EDNRA: variants seen among roughly 807,000 people sequenced by gnomAD.
The protein encoded by EDNRA is endothelin-1 receptor.
EDNRA carries 11 observed loss-of-function variants against 41.4 expected under a neutral mutation model. The ratio of observed to expected loss-of-function variants is 0.27; its 90% CI spans 0.17 to 0.44. The LOEUF (loss-of-function observed/expected upper bound fraction) is 0.44, where lower values mean the gene tolerates loss of function less well. Among genes scored for constraint, EDNRA ranks in the 20% least tolerant of loss-of-function variants. EDNRA has a pLI of 1.00. For missense variants in EDNRA, 294 were observed against 531.0 expected, an observed-to-expected ratio of 0.55 and a Z score of 4.39; for synonymous variants, 172 against 183.0, an observed-to-expected ratio of 0.94 and a Z score of 0.49.
chr4:147,532,017 C>CA lies in EDNRA; in HGVS notation c.549-476dup, dbSNP rs35034877. On this transcript the variant is annotated intron_variant, in intron 3 of 7. Coordinates refer to ENST00000651419, the MANE Select transcript of EDNRA (RefSeq NM_001957.4). Reference sequence around the variant, plus strand: ...TGGGTGACAGAACAAGACTCAGTCTCAAAAAAAAAAAAAGGCCAGGTGCAG... The same window carrying CA: ...TGGGTGACAGAACAAGACTCAGTCTCAAAAAAAAAAAAAAGGCCAGGTGCAG... Among the ~76,000 whole-genome samples the CA allele has an allele frequency of 2.4e-3, 275 of 113,574 alleles. 1 individual carries two copies. The highest frequency in any genetic ancestry group is 4.5e-3 in the African/African-American group (143 of 32,096). The allele number at this position is 113,574 out of a possible 152,430, so 74.5% of individuals were successfully genotyped here. A position where few individuals can be genotyped will look rare whatever the true frequency, so the allele number is the denominator to read the frequency against.
rs1337778273 is a variant in EDNRA at position 147,543,667 on chromosome 4, C to T, written c.*1049C>T. 1 of 152,296 alleles carries T rather than the reference C, an allele frequency of 6.6e-6. No homozygotes were observed. Among genetic ancestry groups the T allele is most frequent in the African/African-American group, 2.4e-5 (1 of 41,408 alleles). 9.4% of individuals were successfully genotyped at this position (152,296 alleles called of 1,614,324 possible). On this transcript the variant is annotated 3_prime_UTR_variant, in exon 8 of 8. Coordinates refer to ENST00000651419, the MANE Select transcript of EDNRA (RefSeq NM_001957.4). ...TAATAGTGACATATATATGTATATA[C>T]ATATCACCTCCTATTCTCTTAATTT...
At chr4:147,510,790 T>A (rs2126431632) in intron 2 of EDNRA, among the ~76,000 whole-genome samples, 1 of 152,292 alleles carries the variant, frequency 6.6e-6, no homozygotes, top group African/African-American at 2.4e-5. Flanking sequence ...AAAAAGGGAC[T>A]GAAGCACTCT....
chr4:147,542,425 G>A (rs1731137201), intron 7 of EDNRA, 53 bp from the exon 8 acceptor site: 2 of 1,610,360 alleles, frequency 1.2e-6, no homozygotes, highest in Non-Finnish European at 1.7e-6. Flanking sequence ...GCTGTGTTTG[G>A]CCGGGAATGG....
chr4:147,532,061 C>G (rs1300083921), intron 3 of EDNRA, among the ~76,000 whole-genome samples: 1 of 149,708 alleles, frequency 6.7e-6, no homozygotes, highest in Non-Finnish European at 1.5e-5. Context: ...TCCTGTAATC[C>G]CAGCACTTTG....
intron 4 of EDNRA, among the ~76,000 whole-genome samples, chr4:147,535,318 T>C (rs1216009773): frequency 6.6e-6 from 1 of 152,170 alleles, no homozygotes; most frequent in Non-Finnish European, 1.5e-5. Context: ...GTATAGCTAT[T>C]GAAGTTCAAA....
chr4:147,535,402 T>G (rs1448420146), intron 4 of EDNRA, among the ~76,000 whole-genome samples: 2 of 152,176 alleles, frequency 1.3e-5, no homozygotes, highest in African/African-American at 4.8e-5. Context: ...GCTACACAGA[T>G]AAGCCATTCG....
intron 2 of EDNRA, among the ~76,000 whole-genome samples, chr4:147,518,964 A>G (rs547006671): frequency 2.2e-4 from 33 of 152,340 alleles, no homozygotes; most frequent in Non-Finnish European, 3.4e-4. Flanking sequence ...ACCTAATTAG[A>G]CAAATACAGA....
chr4:147,488,729 T>C (rs1250807779), intron 2 of EDNRA: 1 of 152,202 alleles, frequency 6.6e-6, no homozygotes, highest in Non-Finnish European at 1.5e-5. Context: ...CTTCTCTAGG[T>C]CATGAGATCA....
chr4:147,518,406 G>A (rs577932246), intron 2 of EDNRA, among the ~76,000 whole-genome samples: 44 of 152,268 alleles, frequency 2.9e-4, no homozygotes, highest in African/African-American at 1.0e-3. Flanking sequence ...AATCGAGACT[G>A]TTTATAGTGA....
intron 3 of EDNRA, chr4:147,520,364 AATTG>A: frequency 1.9e-6 from 1 of 517,344 alleles, no homozygotes; most frequent in Non-Finnish European, 3.9e-6. Flanking sequence ...ATGTTTAATT[AATTG>A]AGTGAGAGGT....
intron 1 of EDNRA, among the ~76,000 whole-genome samples, chr4:147,485,363 C>T (rs541513309): frequency 2.0e-5 from 3 of 152,080 alleles, no homozygotes; most frequent in South Asian, 2.1e-4. Flanking sequence ...GAGACAGAGA[C>T]GGAGATGACA....
intron 3 of EDNRA, among the ~76,000 whole-genome samples, chr4:147,528,142 T>G (rs771904600): frequency 2.6e-5 from 4 of 152,176 alleles, no homozygotes; most frequent in Non-Finnish European, 5.9e-5. Context: ...TGACTGATTC[T>G]TCACCAGAAT....
intron 2 of EDNRA, among the ~76,000 whole-genome samples, chr4:147,497,721 G>A (rs754744192): frequency 1.2e-4 from 19 of 152,130 alleles, no homozygotes; most frequent in Admixed American, 1.0e-3. Flanking sequence ...ACAGGTGCCC[G>A]CCACCAAGCC....
chr4:147,484,291 C>A (rs1329573197), intron 1 of EDNRA, among the ~76,000 whole-genome samples: 3 of 151,910 alleles, frequency 2.0e-5, no homozygotes, highest in Non-Finnish European at 4.4e-5. Context: ...TAAACCACAC[C>A]AGATGGTCTT....
chr4:147,506,554 C>T, intron 2 of EDNRA: 1 of 278,150 alleles, frequency 3.6e-6, no homozygotes, highest in Non-Finnish European at 7.2e-6. Flanking sequence ...TAAGCTCCAG[C>T]TAATAAACAA....
At chr4:147,494,203 T>C (rs1379415474) in intron 2 of EDNRA, 6 of 152,220 alleles carry the variant, frequency 3.9e-5, no homozygotes, top group African/African-American at 7.2e-5. Flanking sequence ...TCTTCATTTA[T>C]TCAATAAAGA....
At chr4:147,503,014 C>T (rs1279538994) in intron 2 of EDNRA, among the ~76,000 whole-genome samples, 1 of 151,884 alleles carries the variant, frequency 6.6e-6, no homozygotes, top group Non-Finnish European at 1.5e-5. Context: ...AAAACAATGG[C>T]TTTCCAGTAA....
chr4:147,527,183 G>T (rs967846043), intron 3 of EDNRA, among the ~76,000 whole-genome samples: 1 of 152,054 alleles, frequency 6.6e-6, no homozygotes, highest in African/African-American at 2.4e-5. Flanking sequence ...CTTTCTTAAG[G>T]CACTTCAGCC....
rs10305905 is a variant in EDNRA, at chr4:147,532,496, T to G, written c.549-10T>G. 9 of 1,610,290 alleles carry G rather than the reference T, an allele frequency of 5.6e-6. No homozygotes were observed. The highest frequency in any genetic ancestry group is 7.6e-6 in the Non-Finnish European group (9 of 1,177,110). ...TCCTAACAACTTGGTTCCATTACCC[T>G]TTTTTTCAGGTACAGAGCAGTTGCC... On this transcript the variant is annotated splice_polypyrimidine_tract_variant and intron_variant, in intron 3 of 7. Coordinates refer to ENST00000651419, the MANE Select transcript of EDNRA (RefSeq NM_001957.4).
Sources: allele counts gnomAD v4.1 joint callset (sites outside exome capture counted in the v4.1 genomes callset), GRCh38; gene constraint gnomAD v4.1.1; transcripts MANE v1.5; gene names NCBI Gene and HGNC (gene_info 2026-07-23, HGNC 2026-07-21).